The following ITGB3 variants were observed in gnomAD, a reference collection of about 807,000 sequenced individuals.
ITGB3 encodes the protein integrin subunit beta 3, also known as integrin beta-3.
A neutral mutation model predicts 85.8 loss-of-function variants in ITGB3; 48 were observed. The observed-to-expected ratio is 0.56, with a 90% CI of 0.44 to 0.71. The LOEUF (loss-of-function observed/expected upper bound fraction) is 0.71. ITGB3 is among the 30% of genes least tolerant of loss of function. The pLI, the probability that ITGB3 is intolerant of heterozygous loss-of-function variation, is 0.00. For missense variants in ITGB3, 861 were observed against 1,019.1 expected (o/e 0.84, Z 2.11); for synonymous variants, 363 against 395.6 (o/e 0.92, Z 0.98).
chr17:47,272,094 G>A (rs1316117531), intron 1 of ITGB3, among the ~76,000 whole-genome samples: 5 of 127,200 alleles, frequency 3.9e-5, no homozygotes, highest in Non-Finnish European at 6.4e-5. Flanking sequence ...GTCTTGCTCT[G>A]GCTCAGGCTG....
At chr17:47,266,516 G>A (rs992145500) in intron 1 of ITGB3, among the ~76,000 whole-genome samples, 1 of 152,138 alleles carries the variant, frequency 6.6e-6, no homozygotes. Context: ...CCAAACCACA[G>A]CCTTCTACTT....
At chr17:47,277,904 C>A (rs2065069447) in intron 2 of ITGB3, among the ~76,000 whole-genome samples, 1 of 152,196 alleles carries the variant, frequency 6.6e-6, no homozygotes, top group African/African-American at 2.4e-5. Context: ...TCTTTATAAT[C>A]ACAAACATAA....
intron 10 of ITGB3, among the ~76,000 whole-genome samples, chr17:47,293,652 A>T (rs963301101): frequency 6.6e-6 from 1 of 151,506 alleles, no homozygotes; most frequent in African/African-American, 2.4e-5. Context: ...CTCTATCGCC[A>T]GGCTGGAGTG....
At chr17:47,286,784 T>A (rs1375982954) in intron 5 of ITGB3, among the ~76,000 whole-genome samples, 3 of 152,242 alleles carry the variant, frequency 2.0e-5, no homozygotes, top group Non-Finnish European at 4.4e-5. Context: ...AGTTTCTAGA[T>A]GAGCAATGTG....
chr17:47,301,009 G>T (rs2065165302), intron 12 of ITGB3, among the ~76,000 whole-genome samples: 1 of 152,204 alleles, frequency 6.6e-6, no homozygotes, highest in Admixed American at 6.5e-5. Context: ...CAGTGCCCAA[G>T]ATTTTGCTTA....
chr17:47,292,098 G>A (rs761156416), intron 9 of ITGB3, 41 bp from the exon 10 acceptor site: 2 of 1,605,128 alleles, frequency 1.2e-6, no homozygotes, highest in Non-Finnish European at 8.5e-7. Context: ...AGTGTTAACT[G>A]GGCCCAACTG....
At chr17:47,255,926 A>G (rs909647575) in intron 1 of ITGB3, among the ~76,000 whole-genome samples, 4 of 152,066 alleles carry the variant, frequency 2.6e-5, no homozygotes, top group African/African-American at 7.2e-5. Flanking sequence ...GCTGCTGGCT[A>G]TTGATGCCGG....
intron 13 of ITGB3, among the ~76,000 whole-genome samples, chr17:47,306,392 A>T (rs1046011325): frequency 6.6e-6 from 1 of 152,164 alleles, no homozygotes; most frequent in Non-Finnish European, 1.5e-5. Context: ...CTCCCACCTC[A>T]GCATCCTGAG....
Position 47,292,374 on chromosome 17 carries a change from G to T in ITGB3, c.1496G>T (p.Cys499Phe). 1 of 1,614,224 alleles carries T rather than the reference G, an allele frequency of 6.2e-7. No homozygotes were observed. Among genetic ancestry groups the T allele is most frequent in the Non-Finnish European group, 8.5e-7 (1 of 1,180,026 alleles). The part of the protein sequence containing the change: ...GPGWLGSQCE[C>F]SEEDYRPSQQ... ...GGCTGGCTGGGATCCCAGTGTGAGT[G>T]CTCAGAGGAGGACTATCGCCCTTCC... Residue 499 changes from cysteine to phenylalanine, a missense_variant, in exon 10 of 15, where the codon TGC (cysteine) becomes TTC (phenylalanine). Transcript: ENST00000559488.
chr17:47,272,053 GCT>G (rs1491196364), intron 1 of ITGB3, among the ~76,000 whole-genome samples: 1 of 143,680 alleles, frequency 7.0e-6, no homozygotes, highest in African/African-American at 2.6e-5. Context: ...CCTCACCGGG[GCT>G]ATTTTTTTTT....
intron 1 of ITGB3, among the ~76,000 whole-genome samples, chr17:47,265,174 G>A (rs1348663034): frequency 6.6e-6 from 1 of 152,182 alleles, no homozygotes; most frequent in African/African-American, 2.4e-5. Flanking sequence ...TGGATTAAAT[G>A]CAACAAAAAT....
chr17:47,301,322 C>T (rs1378227082), intron 12 of ITGB3, among the ~76,000 whole-genome samples: 1 of 152,084 alleles, frequency 6.6e-6, no homozygotes, highest in Non-Finnish European at 1.5e-5. Context: ...TAGCAATCTC[C>T]CATGAAGGCA....
intron 14 of ITGB3, among the ~76,000 whole-genome samples, 153 bp from the exon 15 acceptor site, chr17:47,309,986 A>C (rs2065206968): frequency 2.6e-5 from 4 of 152,000 alleles, no homozygotes; most frequent in Admixed American, 2.6e-4. Flanking sequence ...GCCAAGAACT[A>C]AAGTGTGAGC....
At chr17:47,270,202 C>T (rs925827864) in intron 1 of ITGB3, among the ~76,000 whole-genome samples, 8 of 152,184 alleles carry the variant, frequency 5.3e-5, no homozygotes, top group African/African-American at 1.9e-4. Flanking sequence ...CACAGCCAAA[C>T]CATAGCAGTG....
Position 47,302,741 on chromosome 17 carries a change from G to C in ITGB3, c.2035G>C (p.Val679Leu). Residue 679 changes from valine to leucine, a missense_variant, in exon 13 of 15, where the codon GTG becomes CTG. Physicochemically the swap from Val to Leu is conservative, Grantham distance 32 (BLOSUM62 1). Coordinates refer to ENST00000559488, the MANE Select transcript of ITGB3 (RefSeq NM_000212.3). The stretch of plus-strand genomic sequence containing the variant: ...CCCAGAGGACACTGGCAAGGATGCA[G>C]TGAATTGTACCTATAAGAATGAGGA... ...KELKDTGKDA[V>L]NCTYKNEDDC... 6.2e-7 allele frequency: 1 copy of C among 1,614,082 alleles called. No homozygotes were observed. The highest frequency in any genetic ancestry group is 1.1e-5 in the South Asian group (1 of 91,072).
At position 47,255,104 on chromosome 17, in the gene ITGB3, G is replaced by T. The variant is rs546341087; in HGVS notation, c.79+1164G>T. On this transcript the variant is annotated intron_variant, in intron 1 of 14. Coordinates refer to ENST00000559488, the MANE Select transcript of ITGB3 (RefSeq NM_000212.3). ...AGCGATTCTTCTGGCTCAGCCTCCC[G>T]AGTAGCTGGGATTACAGGCGCCTGC... Among the ~76,000 whole-genome samples, 40 of 151,910 alleles carry T rather than the reference G, an allele frequency of 2.6e-4. 1 individual carries two copies. The highest frequency in any genetic ancestry group is 8.7e-4 in the African/African-American group (36 of 41,436).
chr17:47,283,486 T>C lies in ITGB3; in HGVS notation c.298T>C (p.Ser100Pro). Residue 100 changes from serine (S) to proline (P), a missense_variant, in exon 3 of 15, where the codon TCT (serine) becomes CCT (proline). Ser to Pro is a moderately conservative substitution (Grantham distance 74, BLOSUM62 -1). Coordinates refer to ENST00000559488, the MANE Select transcript of ITGB3 (RefSeq NM_000212.3). ...GGACAGGCCCCTCAGCGACAAGGGC[T>C]CTGGAGACAGCTCCCAGGTCACTCA... ...LEDRPLSDKGSGDSSQVTQVS... is the reference protein window; with the variant it reads ...LEDRPLSDKGPGDSSQVTQVS... 9 of 1,614,198 alleles carry C rather than the reference T, an allele frequency of 5.6e-6. No homozygotes were observed. The highest frequency in any genetic ancestry group is 6.8e-6 in the Non-Finnish European group (8 of 1,180,038).
chr17:47,295,272 A>G (rs1320044879), intron 10 of ITGB3, among the ~76,000 whole-genome samples: 1 of 152,082 alleles, frequency 6.6e-6, no homozygotes, highest in Non-Finnish European at 1.5e-5. Context: ...TGTCTGACAG[A>G]TCTCAGAGGA....
intron 1 of ITGB3, among the ~76,000 whole-genome samples, chr17:47,268,555 CT>C (rs2065033655): frequency 6.6e-6 from 1 of 152,224 alleles, no homozygotes; most frequent in Non-Finnish European, 1.5e-5. Flanking sequence ...ACAGTCAAAT[CT>C]TAAAGCTCCA....
Sources: gnomAD v4.1 joint callset for allele counts (sites outside exome capture counted in the v4.1 genomes callset) on GRCh38, gnomAD v4.1.1 for gene constraint, MANE v1.5 for transcripts, NCBI Gene and HGNC (gene_info 2026-07-23, HGNC 2026-07-21) for gene names.